CNTN5: variants seen among roughly 807,000 people sequenced by gnomAD.
The protein encoded by CNTN5 is contactin 5, also known as contactin-5.
Under a neutral mutation model 129.1 loss-of-function variants are expected in CNTN5, and 77 were observed. That is an observed-to-expected ratio of 0.60 (90% CI 0.50 to 0.72). CNTN5 has a LOEUF of 0.72. CNTN5 is among the 30% of genes least tolerant of loss of function. The probability of loss-of-function intolerance (pLI) is 0.00; values close to 1 mark genes in which losing one functional copy is unlikely to be tolerated. For missense variants in CNTN5, 1,478 were observed against 1,328.8 expected (o/e 1.11, Z -1.75); for synonymous variants, 509 against 465.6 (o/e 1.09, Z -1.20).
chr11:99,409,433 A>G (rs1365003519), intron 2 of CNTN5, among the ~76,000 whole-genome samples: 1 of 152,222 alleles, frequency 6.6e-6, no homozygotes, highest in African/African-American at 2.4e-5. Flanking sequence ...GTGCTACTGC[A>G]CTCCAGCCTG....
intron 1 of CNTN5, among the ~76,000 whole-genome samples, chr11:99,180,953 A>G (rs919267461): frequency 7.9e-5 from 12 of 152,246 alleles, no homozygotes; most frequent in African/African-American, 2.9e-4. Context: ...TTGCAACATA[A>G]CAGTACGCAG....
intron 3 of CNTN5, among the ~76,000 whole-genome samples, chr11:99,743,777 A>T (rs1207554366): frequency 6.6e-6 from 1 of 152,210 alleles, no homozygotes; most frequent in Non-Finnish European, 1.5e-5. Context: ...TGATAAAGGC[A>T]AGTCATTTCA....
At chr11:99,940,267 A>G (rs1405463870) in intron 7 of CNTN5, among the ~76,000 whole-genome samples, 2 of 152,176 alleles carry the variant, frequency 1.3e-5, no homozygotes, top group South Asian at 2.1e-4. Context: ...GATATTTTAC[A>G]TCAACATTAA....
chr11:100,159,102 G>T (rs1453497791), intron 13 of CNTN5, among the ~76,000 whole-genome samples: 5 of 151,664 alleles, frequency 3.3e-5, no homozygotes, highest in Non-Finnish European at 7.4e-5. Flanking sequence ...TTCACCTAAA[G>T]CTCAAAAACA....
intron 1 of CNTN5, among the ~76,000 whole-genome samples, chr11:99,222,414 G>T (rs1318589459): frequency 2.0e-5 from 3 of 152,004 alleles, no homozygotes; most frequent in East Asian, 3.9e-4. Context: ...AAATGTAATA[G>T]TGTCAAAAAA....
chr11:99,062,928 A>T (rs1383384037), intron 1 of CNTN5, among the ~76,000 whole-genome samples: 2 of 152,178 alleles, frequency 1.3e-5, no homozygotes, highest in Non-Finnish European at 2.9e-5. Context: ...AGTGAAAGAT[A>T]CGGAGATTAA....
intron 6 of CNTN5, among the ~76,000 whole-genome samples, chr11:99,900,030 C>G (rs1591386475): frequency 6.6e-6 from 1 of 151,148 alleles, no homozygotes; most frequent in Non-Finnish European, 1.5e-5. Flanking sequence ...TAAAGGTCAT[C>G]ATACTAGTCT....
At chr11:100,035,302 T>C (rs946166109) in intron 9 of CNTN5, among the ~76,000 whole-genome samples, 3 of 147,732 alleles carry the variant, frequency 2.0e-5, no homozygotes, top group Non-Finnish European at 4.4e-5. Flanking sequence ...CATGAACTCA[T>C]CATTTTTTTA....
intron 1 of CNTN5, among the ~76,000 whole-genome samples, chr11:99,127,763 C>T (rs1461613255): frequency 6.6e-6 from 1 of 152,168 alleles, no homozygotes; most frequent in Non-Finnish European, 1.5e-5. Context: ...TGCCATTCCC[C>T]TTACAAAGCA....
At chr11:99,311,966 T>C (rs762126993) in intron 1 of CNTN5, among the ~76,000 whole-genome samples, 2 of 152,164 alleles carry the variant, frequency 1.3e-5, no homozygotes, top group Non-Finnish European at 2.9e-5. Context: ...CCTAAGCTAC[T>C]ACCTCTGAAG....
intron 3 of CNTN5, among the ~76,000 whole-genome samples, chr11:99,559,369 C>G (rs551495418): frequency 6.6e-6 from 1 of 151,902 alleles, no homozygotes; most frequent in African/African-American, 2.4e-5. Context: ...GTCTAAGAAA[C>G]GGAAAAGAAC....
chr11:100,313,527 T>G (rs572473881), intron 21 of CNTN5, among the ~76,000 whole-genome samples: 2 of 151,866 alleles, frequency 1.3e-5, no homozygotes, highest in Non-Finnish European at 2.9e-5. Flanking sequence ...TTAATCACAT[T>G]GAATTTTTGA....
At chr11:100,080,367 C>T (rs1401345201) in intron 13 of CNTN5, among the ~76,000 whole-genome samples, 1 of 152,112 alleles carries the variant, frequency 6.6e-6, no homozygotes, top group Non-Finnish European at 1.5e-5. Flanking sequence ...TGGCCCCCTG[C>T]TCACTAAAGG....
Position 99,819,564 on chromosome 11 carries a change from G to T in CNTN5, c.76G>T (p.Gly26Cys), listed in dbSNP as rs202035562. 1 of 1,611,980 alleles carries T rather than the reference G, an allele frequency of 6.2e-7. No homozygotes were observed. ...CLSEYSKSLP[G>C]LSTSYAALLR... Reference sequence around the variant, plus strand: ...TACAGAGTATTCAAAATCTCTTCCTGGTCTCTCCACTTCATATGCTGCTTT... The same window carrying T: ...TACAGAGTATTCAAAATCTCTTCCTTGTCTCTCCACTTCATATGCTGCTTT... The change falls in exon 4 of 25, where the codon GGT (glycine) becomes TGT (cysteine). Residue 26 changes from glycine (G) to cysteine (C), a missense_variant. Physicochemically the swap from Gly to Cys is radical, Grantham distance 159 (BLOSUM62 -3). Coordinates refer to ENST00000524871, the MANE Select transcript of CNTN5 (RefSeq NM_014361.4).
chr11:99,537,717 G>A (rs1004471689), intron 2 of CNTN5, among the ~76,000 whole-genome samples: 1 of 152,136 alleles, frequency 6.6e-6, no homozygotes, highest in Non-Finnish European at 1.5e-5. Context: ...GCTGTAAGAA[G>A]TATGTAATAA....
chr11:100,176,745 G>A (rs1417513751), intron 13 of CNTN5, among the ~76,000 whole-genome samples: 1 of 151,962 alleles, frequency 6.6e-6, no homozygotes, highest in Non-Finnish European at 1.5e-5. Context: ...ATGGAAGATG[G>A]AAGGGAGAAA....
intron 3 of CNTN5, among the ~76,000 whole-genome samples, chr11:99,812,044 T>C (rs567012220): frequency 2.0e-5 from 3 of 152,168 alleles, no homozygotes; most frequent in African/African-American, 7.2e-5. Context: ...GAAAGTGAAG[T>C]AGTATTTCTT....
chr11:99,648,405 AG>A (rs1387314146), intron 3 of CNTN5, among the ~76,000 whole-genome samples: 1 of 151,696 alleles, frequency 6.6e-6, no homozygotes, highest in African/African-American at 2.4e-5. Context: ...ATTATCAAAA[AG>A]GCAATACATA....
At chr11:99,133,290 G>A (rs1430258203) in intron 1 of CNTN5, among the ~76,000 whole-genome samples, 4 of 151,670 alleles carry the variant, frequency 2.6e-5, no homozygotes, top group Non-Finnish European at 4.4e-5. Context: ...TAAAACCAAA[G>A]CCATTAAAAC....
Sources: allele counts gnomAD v4.1 joint callset (sites outside exome capture counted in the v4.1 genomes callset), GRCh38; gene constraint gnomAD v4.1.1; transcripts MANE v1.5; gene names NCBI Gene and HGNC (gene_info 2026-07-23, HGNC 2026-07-21).